The following TKT variants were observed in gnomAD, a reference collection of about 807,000 sequenced individuals.
TKT encodes transketolase, also known as epididymis luminal protein 107.
Under a neutral mutation model 63.9 loss-of-function variants are expected in TKT, and 47 were observed. That is an observed-to-expected ratio of 0.74 (90% confidence interval 0.58 to 0.94). The LOEUF (loss-of-function observed/expected upper bound fraction) is 0.94, where lower values mean the gene tolerates loss of function less well. Ranked by LOEUF, TKT falls within the 40% of genes least tolerant of loss-of-function variation. The pLI is 0.00. For missense variants in TKT, 721 were observed against 846.2 expected, an observed-to-expected ratio of 0.85 and a Z score of 1.84; for synonymous variants, 338 against 334.1, an observed-to-expected ratio of 1.01 and a Z score of -0.13.
intron 5 of TKT, chr3:53,233,780 T>C (rs1704881058): frequency 6.6e-6 from 1 of 152,402 alleles, no homozygotes; most frequent in Non-Finnish European, 1.5e-5. Flanking sequence ...ACCCTTTCTC[T>C]TGAAAAGCTA....
intron 1 of TKT, among the ~76,000 whole-genome samples, chr3:53,254,882 C>G (rs1044817513): frequency 1.3e-5 from 2 of 152,256 alleles, no homozygotes; most frequent in African/African-American, 4.8e-5. Flanking sequence ...GGGTGTCCAC[C>G]TTCTGGGCCA....
intron 1 of TKT, among the ~76,000 whole-genome samples, chr3:53,252,000 C>T (rs1203519438): frequency 2.0e-5 from 3 of 152,114 alleles, no homozygotes; most frequent in Non-Finnish European, 4.4e-5. Flanking sequence ...ATTAGCCGGG[C>T]GTGGTGGTGC....
intron 4 of TKT, among the ~76,000 whole-genome samples, chr3:53,237,405 C>CAA (rs372971651): frequency 1.4e-5 from 2 of 147,858 alleles, no homozygotes; most frequent in Admixed American, 1.4e-4. Flanking sequence ...CAAAACAAAA[C>CAA]AAAAAAAACC....
At chr3:53,237,796 C>T (rs555318689) in intron 4 of TKT, 1 of 152,098 alleles carries the variant, frequency 6.6e-6, no homozygotes, top group African/African-American at 2.4e-5. Flanking sequence ...GTGGCACGTA[C>T]CTGTAGTCCC....
At chr3:53,231,669 TC>T (rs1331027585) in intron 6 of TKT, 119 bp from the exon 7 acceptor site, 1 of 1,121,776 alleles carries the variant, frequency 8.9e-7, no homozygotes, top group Non-Finnish European at 1.3e-6. Flanking sequence ...AATGGCATCA[TC>T]CCAGACAGGC....
At chr3:53,241,299 G>T in intron 2 of TKT, 54 bp from the exon 3 acceptor site, 1 of 1,500,194 alleles carries the variant, frequency 6.7e-7, no homozygotes. Flanking sequence ...TTCTACTTCG[G>T]GCTGTGCCTA....
At chr3:53,245,052 C>T (rs2106714587) in intron 1 of TKT, among the ~76,000 whole-genome samples, 1 of 152,126 alleles carries the variant, frequency 6.6e-6, no homozygotes, top group Middle Eastern at 3.4e-3. Context: ...ACCTGTAATC[C>T]CAGCACTTTG....
At chr3:53,245,509 C>T (rs12494824) in intron 1 of TKT, among the ~76,000 whole-genome samples, 46,158 of 151,744 alleles carry the variant, frequency 0.3, 8,010 homozygotes, top group Admixed American at 0.46. Context: ...TCAGGTTGGG[C>T]GCGGTAGCTC....
chr3:53,226,601 C>G, intron 13 of TKT, 155 bp downstream of exon 13: 2 of 1,061,002 alleles, frequency 1.9e-6, no homozygotes, highest in Non-Finnish European at 2.7e-6. Context: ...AAGCCTGAGG[C>G]CTTTTAAGAG....
At chr3:53,241,074 T>C (rs1486257995) in intron 3 of TKT, 58 bp downstream of exon 3, 11 of 1,425,474 alleles carry the variant, frequency 7.7e-6, no homozygotes, top group East Asian at 2.6e-5. Flanking sequence ...CCGTCCCACA[T>C]GTCTGGGAAA....
chr3:53,255,595 C>T (rs1232330088), intron 1 of TKT, among the ~76,000 whole-genome samples: 2 of 152,142 alleles, frequency 1.3e-5, no homozygotes, highest in African/African-American at 4.8e-5. Context: ...CGGCCTGAGG[C>T]GCACGGAGGA....
Position 53,242,119 on chromosome 3 carries a change from T to C in TKT, c.225+6A>G, listed in dbSNP as rs781913875. The C allele has an allele frequency of 6.2e-7, 1 of 1,613,600 alleles. No individual in the cohort carries two copies. Among genetic ancestry groups the C allele is most frequent in the East Asian group, 2.2e-5 (1 of 44,868 alleles). ...TGTGGCTGGCAGTGGGCAGCTGGGC[T>C]CTTACCTTGGAGAGCACAAAGCGGT... On this transcript the variant is annotated splice_donor_region_variant and intron_variant, in intron 2 of 13. Transcript: ENST00000462138.
At chr3:53,245,318 A>T (rs573283181) in intron 1 of TKT, among the ~76,000 whole-genome samples, 1 of 151,220 alleles carries the variant, frequency 6.6e-6, no homozygotes, top group South Asian at 2.1e-4. Context: ...AAAAAAAAAA[A>T]AAAAAAGCCC....
chr3:53,242,300 T>A, intron 1 of TKT, 58 bp from the exon 2 acceptor site: 1 of 1,520,954 alleles, frequency 6.6e-7, no homozygotes, highest in Non-Finnish European at 9.1e-7. Flanking sequence ...CCTGAGCTAT[T>A]GTGCTCAGCT....
At chr3:53,237,970 TA>T (rs1486384066) in intron 4 of TKT, 1 of 152,182 alleles carries the variant, frequency 6.6e-6, no homozygotes. Flanking sequence ...CATTTCTTAA[TA>T]TCATTCTGTA....
rs374002698 is a variant in TKT at position 53,232,481 on chromosome 3, C to T, written c.748+675G>A. On this transcript the variant is annotated intron_variant, in intron 6 of 13. Transcript: ENST00000462138. ...GGGAAGCCGACCCAGGCCCTGGGAT[C>T]AGCCCCCCTCGTGCCATAGACTTCC... is the stretch of plus-strand genomic sequence containing the variant. The T allele has an allele frequency of 4.8e-5, 19 of 398,940 alleles. No homozygotes were observed. In the South Asian group the frequency reaches 2.3e-3, roughly 48 times the overall value. 24.7% of individuals were successfully genotyped at this position (398,940 alleles called of 1,614,324 possible). A position where few individuals can be genotyped will look rare whatever the true frequency, so the allele number is the denominator to read the frequency against.
intron 3 of TKT, among the ~76,000 whole-genome samples, chr3:53,240,586 T>C (rs2306569): frequency 0.3 from 45,825 of 152,180 alleles, 7,949 homozygotes; most frequent in Admixed American, 0.46. Flanking sequence ...GGCAAGGGAC[T>C]GAACCTCTGT....
Position 53,240,348 on chromosome 3 carries a change from T to G in TKT, c.340A>C (p.Lys114Gln). 6.2e-7 allele frequency: 1 copy of G among 1,611,660 alleles called. No individual in the cohort carries two copies. The highest frequency in any genetic ancestry group is 8.5e-7 in the Non-Finnish European group (1 of 1,178,406). ...GTGGCCACGTCGGTGAAAGCTTGTT[T>G]CTGTCATAACAGAAGGCCACCGTTA... ...SSDLDGHPVP[K>Q]QAFTDVATGS... The change falls in exon 4 of 14, where the codon AAA becomes CAA. Residue 114 changes from lysine (K) to glutamine (Q), a missense_variant and splice_region_variant. Coordinates refer to ENST00000462138, the MANE Select transcript of TKT (RefSeq NM_001064.4).
intron 5 of TKT, chr3:53,234,630 C>T (rs993682392): frequency 1.1e-5 from 2 of 175,672 alleles, no homozygotes; most frequent in Admixed American, 1.3e-4. Flanking sequence ...GTTCAAACCT[C>T]TCCGCAGCTA....
Sources: gnomAD v4.1 joint callset for allele counts (sites outside exome capture counted in the v4.1 genomes callset) on GRCh38, gnomAD v4.1.1 for gene constraint, MANE v1.5 for transcripts, NCBI Gene and HGNC (gene_info 2026-07-23, HGNC 2026-07-21) for gene names.